TENM3: variants seen among roughly 807,000 people sequenced by gnomAD.
TENM3 encodes teneurin-3.
In TENM3, 63 loss-of-function variants were observed where a neutral mutation model predicts 255.1. The ratio of observed to expected loss-of-function variants is 0.25; its 90% CI spans 0.20 to 0.30. The LOEUF (loss-of-function observed/expected upper bound fraction) is 0.30, where lower values mean the gene tolerates loss of function less well. Among genes scored for constraint, TENM3 ranks in the 10% least tolerant of loss-of-function variants. TENM3 has a pLI of 1.00. For missense variants in TENM3, 2,929 were observed against 3,461.1 expected, an observed-to-expected ratio of 0.85 and a Z score of 3.86; for synonymous variants, 1,306 against 1,322.3, an observed-to-expected ratio of 0.99 and a Z score of 0.27.
chr4:182,624,273 C>G (rs1021996025), intron 4 of TENM3, among the ~76,000 whole-genome samples: 1 of 152,214 alleles, frequency 6.6e-6, no homozygotes, highest in Non-Finnish European at 1.5e-5. Flanking sequence ...ATCCCAAAGC[C>G]TCTCTCCATT....
At chr4:182,355,374 C>A (rs1179976023) in intron 3 of TENM3, among the ~76,000 whole-genome samples, 1 of 152,060 alleles carries the variant, frequency 6.6e-6, no homozygotes, top group Non-Finnish European at 1.5e-5. Context: ...AATGGGGAGG[C>A]TCTGAGGGAT....
intron 3 of TENM3, among the ~76,000 whole-genome samples, chr4:182,536,915 G>A (rs1280151182): frequency 6.6e-6 from 1 of 152,068 alleles, no homozygotes; most frequent in Non-Finnish European, 1.5e-5. Context: ...TATGTCAGGG[G>A]TTCTTTTTTT....
the TENM3 span, among the ~76,000 whole-genome samples, chr4:181,814,537 A>G: frequency 6.6e-6 from 1 of 152,102 alleles, no homozygotes; most frequent in African/African-American, 2.4e-5. Context: ...ATACCTGCAG[A>G]GCCCCTCATA....
chr4:182,217,788 T>C (rs1755594605), intron 1 of TENM3, among the ~76,000 whole-genome samples: 1 of 152,224 alleles, frequency 6.6e-6, no homozygotes, highest in South Asian at 2.1e-4. Context: ...TTGAGATTTC[T>C]CTTTTAATTA....
At chr4:181,965,830 C>G in the TENM3 span, among the ~76,000 whole-genome samples, 3 of 152,178 alleles carry the variant, frequency 2.0e-5, no homozygotes, top group African/African-American at 7.2e-5. Flanking sequence ...AATTCCACCT[C>G]TATAGAGTGG....
At chr4:182,428,634 A>G (rs1771403651) in intron 3 of TENM3, among the ~76,000 whole-genome samples, 2 of 151,998 alleles carry the variant, frequency 1.3e-5, no homozygotes, top group South Asian at 4.2e-4. Flanking sequence ...AAATCCAAAA[A>G]AGTGGCCTTT....
chr4:181,448,790 A>C, the TENM3 span, among the ~76,000 whole-genome samples: 1 of 152,220 alleles, frequency 6.6e-6, no homozygotes, highest in Non-Finnish European at 1.5e-5. Context: ...AAGTTTTATA[A>C]AGACTGCAGC....
chr4:182,406,861 T>C (rs772405141), intron 3 of TENM3, among the ~76,000 whole-genome samples: 1 of 152,246 alleles, frequency 6.6e-6, no homozygotes, highest in Non-Finnish European at 1.5e-5. Context: ...TGATTAATTA[T>C]GGTTTCAGAC....
the TENM3 span, among the ~76,000 whole-genome samples, chr4:181,992,323 T>G: frequency 6.6e-6 from 1 of 152,194 alleles, no homozygotes; most frequent in Non-Finnish European, 1.5e-5. Flanking sequence ...AATGGATGCG[T>G]TCTCTCATTA....
At chr4:182,177,652 G>A (rs1021072132) in intron 1 of TENM3, among the ~76,000 whole-genome samples, 4 of 149,802 alleles carry the variant, frequency 2.7e-5, no homozygotes, top group African/African-American at 7.4e-5. Context: ...AACTACTTAA[G>A]TGATGTTGCT....
chr4:182,449,291 GCGGAGGCAACATT>G (rs1403098461), intron 3 of TENM3, among the ~76,000 whole-genome samples: 3 of 147,296 alleles, frequency 2.0e-5, no homozygotes, highest in African/African-American at 2.5e-5. Context: ...TTGAATCGGT[GCGGAGGCAACATT>G]CGCATCTGAG....
At chr4:181,491,623 TA>T in the TENM3 span, among the ~76,000 whole-genome samples, 1 of 152,092 alleles carries the variant, frequency 6.6e-6, no homozygotes, top group Admixed American at 6.5e-5. Context: ...TTTAAAGATA[TA>T]GATACAGAAA....
At chr4:182,769,880 G>A (rs1273224834) in intron 22 of TENM3, among the ~76,000 whole-genome samples, 1 of 152,098 alleles carries the variant, frequency 6.6e-6, no homozygotes, top group East Asian at 1.9e-4. Flanking sequence ...CGAGGCAGGT[G>A]GATCACCTGA....
At chr4:182,105,657 C>T in the TENM3 span, among the ~76,000 whole-genome samples, 1 of 152,218 alleles carries the variant, frequency 6.6e-6, no homozygotes, top group Non-Finnish European at 1.5e-5. Flanking sequence ...CTCCCAGTTT[C>T]CTCATGTGAC....
At chr4:181,969,796 G>A in the TENM3 span, among the ~76,000 whole-genome samples, 1 of 152,174 alleles carries the variant, frequency 6.6e-6, no homozygotes, top group Non-Finnish European at 1.5e-5. Flanking sequence ...TTCTCATTTT[G>A]CAGAAATCTC....
At chr4:181,635,468 G>C in the TENM3 span, among the ~76,000 whole-genome samples, 1 of 152,188 alleles carries the variant, frequency 6.6e-6, no homozygotes, top group East Asian at 1.9e-4. Context: ...AAAGGGATTC[G>C]CTGCAGTTCA....
the TENM3 span, among the ~76,000 whole-genome samples, chr4:182,061,768 G>C: frequency 6.6e-6 from 1 of 152,048 alleles, no homozygotes; most frequent in Non-Finnish European, 1.5e-5. Flanking sequence ...AGGCCAGCCT[G>C]GGCATCACAG....
the TENM3 span, among the ~76,000 whole-genome samples, chr4:181,898,783 C>T: frequency 6.6e-6 from 1 of 152,078 alleles, no homozygotes. Flanking sequence ...AAACTTTCTG[C>T]TTGTAATAAT....
At chr4:181,514,214 G>C in the TENM3 span, among the ~76,000 whole-genome samples, 2 of 152,102 alleles carry the variant, frequency 1.3e-5, no homozygotes, top group Admixed American at 1.3e-4. Context: ...CCACAACAGT[G>C]TTATGTTACT....
Sources: allele counts gnomAD v4.1 joint callset (sites outside exome capture counted in the v4.1 genomes callset), GRCh38; gene constraint gnomAD v4.1.1; transcripts MANE v1.5; gene names NCBI Gene and HGNC (gene_info 2026-07-23, HGNC 2026-07-21).